Variants in PRKCE observed in about 807,000 individuals in gnomAD.
The protein encoded by PRKCE is protein kinase C epsilon type.
In PRKCE, 16 loss-of-function variants were observed where a neutral mutation model predicts 85.4. That is an observed-to-expected ratio of 0.19 (90% CI 0.13 to 0.28). The LOEUF (loss-of-function observed/expected upper bound fraction) is 0.28, where lower values mean the gene tolerates loss of function less well. Among genes scored for constraint, PRKCE ranks in the 10% least tolerant of loss-of-function variants. PRKCE has a pLI of 1.00. For synonymous variants in PRKCE, 388 were observed against 371.5 expected, an observed-to-expected ratio of 1.04 and a Z score of -0.51; for missense variants, 573 against 975.2, an observed-to-expected ratio of 0.59 and a Z score of 5.49.
chr2:45,709,296 A>G (rs1679399726), intron 1 of PRKCE, among the ~76,000 whole-genome samples: 1 of 152,172 alleles, frequency 6.6e-6, no homozygotes, highest in African/African-American at 2.4e-5. Flanking sequence ...CCAGGCCAAG[A>G]CCCATGCACT....
intron 1 of PRKCE, among the ~76,000 whole-genome samples, chr2:45,762,554 A>G (rs1424677064): frequency 2.6e-5 from 4 of 152,208 alleles, no homozygotes; most frequent in African/African-American, 9.6e-5. Flanking sequence ...TCAAAATGGC[A>G]TCTTGTGCCT....
At position 46,001,314 on chromosome 2, in the gene PRKCE, C is replaced by G. The variant is rs1474479769; in HGVS notation, c.824-90C>G. On this transcript the variant is annotated intron_variant, in intron 6 of 14. Coordinates refer to ENST00000306156, the MANE Select transcript of PRKCE (RefSeq NM_005400.3). This position sits in a 1 kb window ranked among gnomAD's most constrained non-coding sequence, Gnocchi z 4.4. ...TTATATCTTAAATGAACATGTAATA[C>G]TTCATGAACATATAATACAATCTCA... 8.2e-7 allele frequency: 1 copy of G among 1,220,340 alleles called. No individual in the cohort carries two copies. The highest frequency in any genetic ancestry group is 1.1e-6 in the Non-Finnish European group (1 of 913,742). 75.6% of individuals were successfully genotyped at this position (1,220,340 alleles called of 1,614,324 possible). A position where few individuals can be genotyped will look rare whatever the true frequency, so the allele number is the denominator to read the frequency against.
chr2:45,684,873 C>T (rs1034889995), intron 1 of PRKCE, among the ~76,000 whole-genome samples: 9 of 152,164 alleles, frequency 5.9e-5, no homozygotes, highest in African/African-American at 2.2e-4. Flanking sequence ...ATCTGTGTGG[C>T]TGGCAGGGGG....
chr2:46,109,155 A>G (rs1198426704), intron 11 of PRKCE, among the ~76,000 whole-genome samples: 2 of 152,126 alleles, frequency 1.3e-5, no homozygotes, highest in African/African-American at 2.4e-5. Context: ...CTTCTTCTTC[A>G]GTAATGTTTT....
intron 1 of PRKCE, among the ~76,000 whole-genome samples, chr2:45,798,325 C>A (rs1420587711): frequency 6.6e-6 from 1 of 152,196 alleles, no homozygotes; most frequent in African/African-American, 2.4e-5. Context: ...GAAACTGAGG[C>A]TCCCAAGAGT....
intron 10 of PRKCE, among the ~76,000 whole-genome samples, chr2:46,085,176 C>T (rs565814836): frequency 5.9e-5 from 9 of 152,220 alleles, no homozygotes; most frequent in African/African-American, 1.7e-4. Flanking sequence ...CCTCTCCCCA[C>T]ATCATCATGG....
intron 2 of PRKCE, among the ~76,000 whole-genome samples, chr2:45,867,001 C>T (rs1329530210): frequency 6.6e-6 from 1 of 152,128 alleles, no homozygotes; most frequent in East Asian, 1.9e-4. Context: ...TGCACAGGTC[C>T]CACTCCAGAC....
chr2:45,736,580 TCCTGACACTG>T (rs1465714893), intron 1 of PRKCE, among the ~76,000 whole-genome samples: 1 of 152,182 alleles, frequency 6.6e-6, no homozygotes, highest in Non-Finnish European at 1.5e-5. Context: ...CGCTCTGACT[TCCTGACACTG>T]CCTGCCTCTC....
At chr2:45,829,853 C>T (rs1286687429) in intron 1 of PRKCE, among the ~76,000 whole-genome samples, 1 of 151,832 alleles carries the variant, frequency 6.6e-6, no homozygotes, top group Non-Finnish European at 1.5e-5. Flanking sequence ...GCGGGCGGAT[C>T]ACGAGGTCAG....
chr2:46,024,818 C>G (rs1706971297), intron 10 of PRKCE, among the ~76,000 whole-genome samples: 1 of 152,084 alleles, frequency 6.6e-6, no homozygotes, highest in African/African-American at 2.4e-5. Context: ...AATCCAACCT[C>G]CTTTATCAAG....
At chr2:45,808,017 C>T (rs984326102) in intron 1 of PRKCE, among the ~76,000 whole-genome samples, 2 of 152,122 alleles carry the variant, frequency 1.3e-5, no homozygotes, top group Non-Finnish European at 2.9e-5. Context: ...CCCACTCATC[C>T]TCCAAGGCTG....
intron 1 of PRKCE, among the ~76,000 whole-genome samples, chr2:45,708,555 G>A (rs959292747): frequency 2.0e-5 from 3 of 152,200 alleles, no homozygotes; most frequent in African/African-American, 7.2e-5. Flanking sequence ...GATGTGACTT[G>A]CTCCTCCTTG....
chr2:45,787,392 C>T (rs1686693579), intron 1 of PRKCE, among the ~76,000 whole-genome samples: 1 of 152,120 alleles, frequency 6.6e-6, no homozygotes, highest in Non-Finnish European at 1.5e-5. Context: ...GACATCTGAG[C>T]TGAATAGCAG....
At chr2:46,134,601 G>A (rs747875060) in intron 11 of PRKCE, among the ~76,000 whole-genome samples, 38 of 152,256 alleles carry the variant, frequency 2.5e-4, no homozygotes, top group African/African-American at 7.7e-4. Flanking sequence ...GTTCAAGCAA[G>A]TTCTTTCACG....
chr2:46,151,319 A>ACACACT, intron 13 of PRKCE, 90 bp downstream of exon 13: 1 of 1,020,104 alleles, frequency 9.8e-7, no homozygotes, highest in Non-Finnish European at 1.4e-6. Flanking sequence ...ACACACACAC[A>ACACACT]CACACTCCCT....
intron 10 of PRKCE, among the ~76,000 whole-genome samples, chr2:46,077,823 G>A (rs186754074): frequency 6.6e-6 from 1 of 152,250 alleles, no homozygotes; most frequent in Admixed American, 6.5e-5. Context: ...TGACCTTCTA[G>A]AAATACAGAG....
chr2:45,904,662 G>A (rs778436974), intron 2 of PRKCE, among the ~76,000 whole-genome samples: 49 of 152,104 alleles, frequency 3.2e-4, no homozygotes, highest in Non-Finnish European at 2.9e-4. Flanking sequence ...GGCTGTGCTC[G>A]GGGATCTCAC....
chr2:45,804,539 G>T (rs1002812154), intron 1 of PRKCE, among the ~76,000 whole-genome samples: 2 of 152,168 alleles, frequency 1.3e-5, no homozygotes, highest in Non-Finnish European at 2.9e-5. Context: ...GAAGTATGTG[G>T]GTAGCAGAAG....
At chr2:45,975,356 A>G (rs1252662866) in intron 2 of PRKCE, among the ~76,000 whole-genome samples, 2 of 152,188 alleles carry the variant, frequency 1.3e-5, no homozygotes, top group African/African-American at 2.4e-5. Flanking sequence ...TGTCTTAACC[A>G]ACAGACATTC....
Sources: gnomAD v4.1 joint callset for allele counts (sites outside exome capture counted in the v4.1 genomes callset) on GRCh38, gnomAD v4.1.1 for gene constraint, Gnocchi (gnomAD v3.1) non-coding constraint, MANE v1.5 for transcripts, NCBI Gene and HGNC (gene_info 2026-07-23, HGNC 2026-07-21) for gene names.